NTN1: variants seen among roughly 807,000 people sequenced by gnomAD.
The protein encoded by NTN1 is netrin 1, also known as netrin-1.
In NTN1, 11 loss-of-function variants were observed where a neutral mutation model predicts 54.2. The ratio of observed to expected loss-of-function variants is 0.20; its 90% CI spans 0.13 to 0.34. The LOEUF is 0.34. Ranked by LOEUF, NTN1 falls within the 10% of genes least tolerant of loss-of-function variation. The pLI is 1.00. For missense variants in NTN1, 740 were observed against 893.1 expected, an observed-to-expected ratio of 0.83 and a Z score of 2.18; for synonymous variants, 371 against 382.0, an observed-to-expected ratio of 0.97 and a Z score of 0.33.
Position 9,239,939 on chromosome 17 carries a change from G to A in NTN1, c.1786G>A (p.Glu596Lys). ...GCGGCTGCGCAAGTTCCAGCAGCGTGAGAAGAAGGGCAAGTGCAAGAAGGC... is the reference window on the plus strand; with the variant it reads ...GCGGCTGCGCAAGTTCCAGCAGCGTAAGAAGAAGGGCAAGTGCAAGAAGGC... Reference protein sequence around the residue: ...ARRLRKFQQREKKGKCKKA With the variant: ...ARRLRKFQQRKKKGKCKKA The change falls in exon 7 of 7, where the codon GAG becomes AAG. Residue 596 changes from glutamate to lysine, a missense_variant. Transcript: ENST00000173229. This position sits in a 1 kb window ranked among gnomAD's most constrained non-coding sequence, Gnocchi z 5.2. 2 of 1,337,516 alleles carry A rather than the reference G, an allele frequency of 1.5e-6. No homozygotes were observed. Among genetic ancestry groups the A allele is most frequent in the Non-Finnish European group, 9.9e-7 (1 of 1,013,060 alleles). The allele number at this position is 1,337,516 out of a possible 1,614,324, so 82.9% of individuals were successfully genotyped here.
intron 6 of NTN1, among the ~76,000 whole-genome samples, chr17:9,226,434 AGGCGGTCTCG>A (rs1905555411): frequency 1.0e-5 from 1 of 99,150 alleles, no homozygotes; most frequent in African/African-American, 4.9e-5. Flanking sequence ...TCTCGTGGGG[AGGCGGTCTCG>A]TGGGGAGGCT....
intron 6 of NTN1, among the ~76,000 whole-genome samples, chr17:9,223,585 G>GT (rs1555578275): frequency 1.3e-5 from 2 of 152,044 alleles, no homozygotes; most frequent in African/African-American, 4.8e-5. Flanking sequence ...AGCTCATATG[G>GT]CCCCGGAGCT....
At chr17:9,156,385 T>A (rs1395125104) in intron 2 of NTN1, among the ~76,000 whole-genome samples, 3 of 152,088 alleles carry the variant, frequency 2.0e-5, no homozygotes, top group African/African-American at 7.2e-5. Flanking sequence ...GACTAGAGCC[T>A]CTGAGGAGAC....
Position 9,195,585 on chromosome 17 carries a change from A to T in NTN1, c.1411+12616A>T, listed in dbSNP as rs143146121. On this transcript the variant is annotated intron_variant, in intron 5 of 6. Transcript: ENST00000173229. Reference sequence around the variant, plus strand: ...TGGAGCTAGGCTGAGGCAGGGGTGGATGCAGAGAACCCCCAGGTGGCCCAG... The same window carrying T: ...TGGAGCTAGGCTGAGGCAGGGGTGGTTGCAGAGAACCCCCAGGTGGCCCAG... 3.6e-3 allele frequency among the ~76,000 whole-genome samples: 546 copies of T among 152,262 alleles called. 6 individuals are homozygous for T. Among genetic ancestry groups the T allele is most frequent in the African/African-American group, 0.013 (524 of 41,554 alleles).
chr17:9,089,475 CCTTGTTAAACACATTAGAGCAA>C (rs1006080078), intron 2 of NTN1, among the ~76,000 whole-genome samples: 17 of 152,004 alleles, frequency 1.1e-4, no homozygotes, highest in Non-Finnish European at 2.2e-4. Flanking sequence ...ACTTTTTATA[CCTTGTTAAACACATTAGAGCAA>C]TGTCCTAGGT....
intron 2 of NTN1, among the ~76,000 whole-genome samples, chr17:9,027,291 C>T (rs1476644168): frequency 2.0e-5 from 3 of 152,170 alleles, no homozygotes; most frequent in Admixed American, 1.3e-4. Flanking sequence ...AGGACTTACT[C>T]TTTGCCAAGC....
In NTN1 at chr17:9,130,533, C is replaced by G. The variant is rs556535154; in HGVS notation, c.1019-32280C>G. Among the ~76,000 whole-genome samples the G allele has an allele frequency of 5.8e-4, 88 of 152,256 alleles. 3 individuals carry two copies. The South Asian group carries it at 0.015, about 25-fold the overall frequency. On this transcript the variant is annotated intron_variant, in intron 2 of 6. Transcript: ENST00000173229. ...CCCCACCTGGGGTGGCCAGCTGCCT[C>G]CTGGGCAGCCTTCCCCTGGGCACCC...
chr17:9,038,561 C>T (rs757729119), intron 2 of NTN1, among the ~76,000 whole-genome samples: 9 of 152,090 alleles, frequency 5.9e-5, no homozygotes, highest in Non-Finnish European at 1.3e-4. Flanking sequence ...GGCCTTATCT[C>T]CGGTCTGTGT....
At chr17:9,103,078 A>C (rs78103483) in intron 2 of NTN1, among the ~76,000 whole-genome samples, 1,843 of 152,290 alleles carry the variant, frequency 0.012, 43 homozygotes, top group African/African-American at 0.041. Flanking sequence ...TCAGTTCGTG[A>C]AAATTCCATG....
intron 2 of NTN1, among the ~76,000 whole-genome samples, chr17:9,124,556 G>A (rs2092240296): frequency 6.6e-6 from 1 of 152,232 alleles, no homozygotes; most frequent in Non-Finnish European, 1.5e-5. Context: ...TTCCGACAGT[G>A]ATGACGATGA....
In NTN1 at chr17:9,221,147, T is replaced by TGGGCCCCCCC; in HGVS notation, c.1412-21_1412-20insGGGCCCCCCC. The stretch of plus-strand genomic sequence containing the variant: ...CAGCCTAATTAGTTTTTGTCTGTGC[T>TGGGCCCCCCC]CCCCCCCCACCCCCCTGCAGACTGC... On this transcript the variant is annotated intron_variant, in intron 5 of 6. Transcript: ENST00000173229. This position sits in a 1 kb window ranked among gnomAD's most constrained non-coding sequence, Gnocchi z 4.5. The TGGGCCCCCCC allele has an allele frequency of 2.3e-6, 3 of 1,303,796 alleles. No individual in the cohort carries two copies. The highest frequency in any genetic ancestry group is 3.1e-6 in the Non-Finnish European group (3 of 952,872). 80.8% of individuals were successfully genotyped at this position (1,303,796 alleles called of 1,614,324 possible).
At chr17:9,027,083 C>T (rs1205454224) in intron 2 of NTN1, among the ~76,000 whole-genome samples, 1 of 152,090 alleles carries the variant, frequency 6.6e-6, no homozygotes, top group African/African-American at 2.4e-5. Flanking sequence ...CCTCATTCAT[C>T]CCTGGCAAGA....
At chr17:9,133,593 T>G (rs1228649685) in intron 2 of NTN1, among the ~76,000 whole-genome samples, 1 of 149,946 alleles carries the variant, frequency 6.7e-6, no homozygotes, top group Non-Finnish European at 1.5e-5. Context: ...TGAATTTTTT[T>G]TTTTTTTTTT....
intron 2 of NTN1, among the ~76,000 whole-genome samples, chr17:9,115,560 C>T (rs539942256): frequency 1.3e-5 from 2 of 152,346 alleles, no homozygotes; most frequent in South Asian, 2.1e-4. Flanking sequence ...TCTAAACCCT[C>T]CCACTGTGTG....
intron 5 of NTN1, among the ~76,000 whole-genome samples, chr17:9,192,732 G>A (rs1011859303): frequency 1.1e-4 from 16 of 152,146 alleles, no homozygotes; most frequent in African/African-American, 3.4e-4. Context: ...AGACAAACCC[G>A]GCTCTTTTAT....
intron 3 of NTN1, among the ~76,000 whole-genome samples, chr17:9,172,090 GT>G (rs1431371347): frequency 1.3e-5 from 2 of 151,980 alleles, no homozygotes; most frequent in African/African-American, 4.8e-5. Flanking sequence ...GTTTCACCAT[GT>G]TAGTCAGGCT....
Position 9,241,045 on chromosome 17 carries a change from G to A in NTN1, c.*1077G>A, listed in dbSNP as rs988277487. 3.3e-5 allele frequency: 5 copies of A among 152,298 alleles called. No individual in the cohort carries two copies. Among genetic ancestry groups the A allele is most frequent in the African/African-American group, 1.2e-4 (5 of 41,454 alleles). The allele number at this position is 152,298 out of a possible 1,614,324, so 9.4% of individuals were successfully genotyped here. Reference sequence around the variant, plus strand: ...GTCAACAGCTGGAAAGGGCCTGAACGGGCTTGGAGTCTGCAGGCTGCGAAG... The same window carrying A: ...GTCAACAGCTGGAAAGGGCCTGAACAGGCTTGGAGTCTGCAGGCTGCGAAG... On this transcript the variant is annotated 3_prime_UTR_variant, in exon 7 of 7. Transcript: ENST00000173229.
intron 2 of NTN1, among the ~76,000 whole-genome samples, chr17:9,071,267 G>A (rs1190590424): frequency 1.3e-5 from 2 of 152,044 alleles, no homozygotes; most frequent in Admixed American, 6.5e-5. Context: ...CTCAGACAGA[G>A]TGATTTTCTT....
chr17:9,201,904 C>G (rs1214901005), intron 5 of NTN1, among the ~76,000 whole-genome samples: 1 of 151,166 alleles, frequency 6.6e-6, no homozygotes, highest in Non-Finnish European at 1.5e-5. Context: ...AATAAAAGAC[C>G]GGGCCGGGCG....
Sources: allele counts gnomAD v4.1 joint callset (sites outside exome capture counted in the v4.1 genomes callset), GRCh38; gene constraint gnomAD v4.1.1; non-coding constraint Gnocchi (gnomAD v3.1); transcripts MANE v1.5; gene names NCBI Gene and HGNC (gene_info 2026-07-23, HGNC 2026-07-21).